The following CFAP69 variants were observed in gnomAD, a reference collection of about 807,000 sequenced individuals.
CFAP69 encodes cilia and flagella associated protein 69.
Under a neutral mutation model 123.0 loss-of-function variants are expected in CFAP69, and 92 were observed. The ratio of observed to expected loss-of-function variants is 0.75; its 90% CI spans 0.63 to 0.89. The LOEUF is 0.89. CFAP69 is among the 40% of genes least tolerant of loss of function. CFAP69 has a pLI of 0.00. For synonymous variants in CFAP69, 380 were observed against 364.3 expected (o/e 1.04, Z -0.49); for missense variants, 1,067 against 1,096.9 (o/e 0.97, Z 0.39).
chr7:90,254,260 T>G (rs1406796913), intron 1 of CFAP69, among the ~76,000 whole-genome samples: 1 of 152,176 alleles, frequency 6.6e-6, no homozygotes, highest in Non-Finnish European at 1.5e-5. Context: ...TATTTTGAAG[T>G]CAGGTAGTGT....
At chr7:90,266,336 G>GTTAAA (rs1799159313) in intron 5 of CFAP69, among the ~76,000 whole-genome samples, 1 of 151,860 alleles carries the variant, frequency 6.6e-6, no homozygotes, top group Non-Finnish European at 1.5e-5. Flanking sequence ...CATGAAGGGG[G>GTTAAA]CAATTTAAAG....
chr7:90,285,528 C>T (rs978415827), intron 13 of CFAP69, among the ~76,000 whole-genome samples: 1 of 152,068 alleles, frequency 6.6e-6, no homozygotes, highest in Non-Finnish European at 1.5e-5. Flanking sequence ...CAACTGGAAG[C>T]AAAAGAGGGA....
chr7:90,321,717 C>A, the CFAP69 span, among the ~76,000 whole-genome samples: 5,658 of 152,292 alleles, frequency 0.037, 134 homozygotes, highest in South Asian at 0.057. Flanking sequence ...GTTCTAATCT[C>A]TAGCTAAACA....
At chr7:90,312,454 C>G (rs940270259), downstream of CFAP69, 2 of 152,146 alleles carry the variant, frequency 1.3e-5, no homozygotes, top group African/African-American at 4.8e-5. Context: ...GTCTGTGAAC[C>G]TTTCTTCTTC....
Position 90,265,413 on chromosome 7 carries a change from C to T in CFAP69, c.433+36C>T, listed in dbSNP as rs750988126. The T allele has an allele frequency of 4.4e-6, 6 of 1,373,894 alleles. No homozygotes were observed. In the Admixed American group the frequency reaches 8.8e-5, roughly 20 times the overall value. The allele number at this position is 1,373,894 out of a possible 1,614,324, so 85.1% of individuals were successfully genotyped here. On this transcript the variant is annotated intron_variant, in intron 5 of 22. Transcript: ENST00000389297. ...ATTTCCTTAAGGTATAGGGATGTAA[C>T]ATACGACAGGTCCTACTGACAAGGG...
intron 8 of CFAP69, among the ~76,000 whole-genome samples, chr7:90,273,662 AAAC>A (rs1208459811): frequency 6.6e-6 from 1 of 152,186 alleles, no homozygotes. Flanking sequence ...GGTGGTTTAT[AAAC>A]AACAGAAAGT....
At chr7:90,258,047 T>C in intron 2 of CFAP69, 51 bp from the exon 3 acceptor site, 1 of 1,341,296 alleles carries the variant, frequency 7.5e-7, no homozygotes. Flanking sequence ...TTTTTTAAAA[T>C]CTCAACAGAT....
At chr7:90,306,132 G>A (rs1793558180) in intron 19 of CFAP69, among the ~76,000 whole-genome samples, 1 of 141,096 alleles carries the variant, frequency 7.1e-6, no homozygotes. Flanking sequence ...GGCGGGGCGG[G>A]GTAGAGACAA....
At chr7:90,321,956 A>G in the CFAP69 span, among the ~76,000 whole-genome samples, 1 of 152,186 alleles carries the variant, frequency 6.6e-6, no homozygotes, top group African/African-American at 2.4e-5. Context: ...AGATGGGGCT[A>G]GGGAAATCAA....
chr7:90,248,391 T>G (rs1239873506), intron 1 of CFAP69, among the ~76,000 whole-genome samples: 1 of 152,226 alleles, frequency 6.6e-6, no homozygotes, highest in Non-Finnish European at 1.5e-5. Context: ...TACTTCTGCA[T>G]TAAGTGGTAT....
At chr7:90,247,204 A>T (rs1009527724) in intron 1 of CFAP69, among the ~76,000 whole-genome samples, 1 of 152,232 alleles carries the variant, frequency 6.6e-6, no homozygotes, top group Non-Finnish European at 1.5e-5. Flanking sequence ...CCCTAAGTTC[A>T]TGAGAAGTTA....
chr7:90,288,174 G>A lies in CFAP69; in HGVS notation c.1657-60G>A. 2.2e-6 allele frequency: 3 copies of A among 1,388,834 alleles called. No homozygotes were observed. In the South Asian group the frequency reaches 3.8e-5, roughly 18 times the overall value. The allele number at this position is 1,388,834 out of a possible 1,614,324, so 86.0% of individuals were successfully genotyped here. The stretch of plus-strand genomic sequence containing the variant: ...GCAATATTAGGGGACCGATAAAGTA[G>A]GAAAGGGAGGAATTATTTATTTATT... On this transcript the variant is annotated intron_variant, in intron 14 of 22. Transcript: ENST00000389297.
the CFAP69 span, chr7:90,320,332 T>A: frequency 6.6e-6 from 1 of 152,242 alleles, no homozygotes; most frequent in Non-Finnish European, 1.5e-5. Flanking sequence ...TAATATCCGG[T>A]GTATTCTTGG....
intron 1 of CFAP69, among the ~76,000 whole-genome samples, chr7:90,247,652 C>T (rs1796497535): frequency 6.6e-6 from 1 of 152,072 alleles, no homozygotes; most frequent in South Asian, 2.1e-4. Context: ...TCAAGACCAT[C>T]CTGGCCAACA....
intron 20 of CFAP69, among the ~76,000 whole-genome samples, chr7:90,307,332 A>G (rs17862146): frequency 0.018 from 2,743 of 152,338 alleles, 30 homozygotes; most frequent in Middle Eastern, 0.034. Context: ...TACACATTGT[A>G]TGCACATATC....
chr7:90,255,177 T>G (rs539234793), intron 1 of CFAP69, among the ~76,000 whole-genome samples: 1 of 152,348 alleles, frequency 6.6e-6, no homozygotes, highest in African/African-American at 2.4e-5. Flanking sequence ...TCTTGGGCCC[T>G]TCAGGGCTGA....
intron 2 of CFAP69, among the ~76,000 whole-genome samples, chr7:90,255,900 A>G (rs959338695): frequency 1.2e-4 from 18 of 152,202 alleles, no homozygotes; most frequent in African/African-American, 4.3e-4. Context: ...TTTGAGAACA[A>G]TCATATATAA....
Position 90,261,082 on chromosome 7 carries a change from A to ATTT in CFAP69, c.247-852_247-850dup, listed in dbSNP as rs372399718. Among the ~76,000 whole-genome samples, 666 of 145,998 alleles carry ATTT rather than the reference A, an allele frequency of 4.6e-3. 7 individuals are homozygous for ATTT. The highest frequency in any genetic ancestry group is 0.032 in the East Asian group (160 of 4,986). On this transcript the variant is annotated intron_variant, in intron 3 of 22. Transcript: ENST00000389297. ...TGAAATGTGTTTATGTGCCAATAGG[A>ATTT]TTTTTTTTTTTTTTTGAGACAGAAT...
chr7:90,301,909 T>G (rs1013368344), intron 17 of CFAP69: 1 of 152,196 alleles, frequency 6.6e-6, no homozygotes. Flanking sequence ...CACACTGCTT[T>G]CCACAATGGT....
Sources: allele counts gnomAD v4.1 joint callset (sites outside exome capture counted in the v4.1 genomes callset), GRCh38; gene constraint gnomAD v4.1.1; transcripts MANE v1.5; gene names NCBI Gene and HGNC (gene_info 2026-07-23, HGNC 2026-07-21).